Variants in VRK2 observed in about 807,000 individuals in gnomAD.
The protein encoded by VRK2 is VRK serine/threonine kinase 2.
Under a neutral mutation model 57.6 loss-of-function variants are expected in VRK2, and 60 were observed. The ratio of observed to expected loss-of-function variants is 1.04; its 90% CI spans 0.85 to 1.29. The LOEUF is 1.29. Ranked by LOEUF, VRK2 falls within the 50% of genes most tolerant of loss-of-function variation. The pLI, the probability that VRK2 is intolerant of heterozygous loss-of-function variation, is 0.00. For missense variants in VRK2, 705 were observed against 588.1 expected, an observed-to-expected ratio of 1.20 and a Z score of -2.06; for synonymous variants, 231 against 199.2, an observed-to-expected ratio of 1.16 and a Z score of -1.35.
intron 2 of VRK2, among the ~76,000 whole-genome samples, chr2:58,063,170 T>C (rs1016715304): frequency 1.3e-5 from 2 of 151,758 alleles, no homozygotes; most frequent in Non-Finnish European, 2.9e-5. Context: ...CATGGTTTAC[T>C]GATTTTTTTT....
intron 1 of VRK2, among the ~76,000 whole-genome samples, chr2:57,920,094 GA>G (rs1394039295): frequency 2.0e-5 from 3 of 152,002 alleles, no homozygotes; most frequent in Non-Finnish European, 4.4e-5. Context: ...AAAAGCACCT[GA>G]AAAAATATTT....
At chr2:57,976,018 T>C (rs1325097791) in intron 1 of VRK2, among the ~76,000 whole-genome samples, 2 of 152,012 alleles carry the variant, frequency 1.3e-5, no homozygotes, top group Non-Finnish European at 1.5e-5. Context: ...CATGTGGTAT[T>C]TGGTTTTCTG....
At position 57,940,775 on chromosome 2, in the gene VRK2, T is replaced by C. The variant is rs1238194083; in HGVS notation, c.-439+32936T>C. Among the ~76,000 whole-genome samples, 3 of 152,110 alleles carry C rather than the reference T, an allele frequency of 2.0e-5. No homozygotes were observed. The East Asian group carries it at 5.8e-4, about 29-fold the overall frequency. ...CAACTTCTGTTCTCACAGTTTCACA[T>C]GAGGCAATGAAACAAATAATGCTAA... On this transcript the variant is annotated intron_variant, in intron 1 of 15. Coordinates refer to the VRK2 transcript ENST00000417641.
intron 2 of VRK2, among the ~76,000 whole-genome samples, chr2:58,068,829 AC>A (rs1285873521): frequency 2.5e-4 from 37 of 146,290 alleles, no homozygotes; most frequent in Middle Eastern, 3.7e-3. Context: ...AAAAAAAAAA[AC>A]AAAAACTCGG....
At chr2:57,987,767 G>A (rs1572940491) in intron 1 of VRK2, among the ~76,000 whole-genome samples, 1 of 152,116 alleles carries the variant, frequency 6.6e-6, no homozygotes, top group South Asian at 2.1e-4. Flanking sequence ...GCTAGGAAAT[G>A]GGCAAAAAAG....
chr2:57,936,235 T>C (rs757642303), intron 1 of VRK2, among the ~76,000 whole-genome samples: 1 of 152,238 alleles, frequency 6.6e-6, no homozygotes, highest in African/African-American at 2.4e-5. Context: ...TTGCAATTTA[T>C]ATTTATTTCT....
At chr2:58,106,221 A>T (rs1298512040) in intron 7 of VRK2, among the ~76,000 whole-genome samples, 6 of 151,980 alleles carry the variant, frequency 3.9e-5, no homozygotes, top group Non-Finnish European at 5.9e-5. Flanking sequence ...AGTTGGAAAT[A>T]GACTGTAATT....
chr2:58,045,385 C>A (rs967098126), upstream of VRK2, among the ~76,000 whole-genome samples: 2 of 152,082 alleles, frequency 1.3e-5, no homozygotes, highest in African/African-American at 4.8e-5. Context: ...GGAGTTGTTT[C>A]TTCTCAAAAG....
chr2:58,017,181 T>C (rs1238908841), intron 1 of VRK2, among the ~76,000 whole-genome samples: 1 of 152,180 alleles, frequency 6.6e-6, no homozygotes, highest in East Asian at 1.9e-4. Context: ...TAGCCCAAAG[T>C]AAGCTGAGCA....
At chr2:57,982,359 C>A (rs1010423688) in intron 1 of VRK2, among the ~76,000 whole-genome samples, 2 of 152,200 alleles carry the variant, frequency 1.3e-5, no homozygotes, top group Non-Finnish European at 2.9e-5. Flanking sequence ...CATGCACACA[C>A]ATGTGCACCG....
chr2:58,034,704 C>T (rs1406678358), intron 3 of VRK2, among the ~76,000 whole-genome samples: 3 of 151,844 alleles, frequency 2.0e-5, no homozygotes, highest in Non-Finnish European at 4.4e-5. Context: ...ATGAGAGCAT[C>T]TCTCATCTTT....
At chr2:58,095,638 A>G (rs1673029227) in intron 7 of VRK2, among the ~76,000 whole-genome samples, 1 of 152,032 alleles carries the variant, frequency 6.6e-6, no homozygotes, top group Admixed American at 6.5e-5. Flanking sequence ...TTACGGAATT[A>G]TTTGTGGTTC....
intron 1 of VRK2, among the ~76,000 whole-genome samples, chr2:57,927,871 T>G (rs1410354389): frequency 6.6e-6 from 1 of 152,218 alleles, no homozygotes; most frequent in Non-Finnish European, 1.5e-5. Context: ...ATGCCAGTGT[T>G]TCCTGGCCTG....
upstream of VRK2, among the ~76,000 whole-genome samples, chr2:58,043,055 T>C (rs1674525871): frequency 1.3e-5 from 2 of 152,222 alleles, no homozygotes; most frequent in Non-Finnish European, 1.5e-5. Context: ...CCTGCTCCTG[T>C]TGCCATTTTT....
At chr2:58,016,884 T>C (rs967893188) in intron 1 of VRK2, among the ~76,000 whole-genome samples, 1 of 152,198 alleles carries the variant, frequency 6.6e-6, no homozygotes, top group Non-Finnish European at 1.5e-5. Context: ...AACTACCAAA[T>C]ACTTTCATTT....
Position 57,975,662 on chromosome 2 carries a change from G to C in VRK2, c.-438-50003G>C, listed in dbSNP as rs1053263264. Among the ~76,000 whole-genome samples, 19 of 151,844 alleles carry C rather than the reference G, an allele frequency of 1.3e-4. No individual in the cohort carries two copies. In the South Asian group the frequency reaches 3.7e-3, roughly 30 times the overall value. On this transcript the variant is annotated intron_variant, in intron 1 of 15. Transcript: ENST00000417641. ...TTGTACTCCTCCCTCCTTCCTTTCG[G>C]AGTCCCTACCACCTGTCCCCAACCA...
chr2:58,111,941 TTC>T (rs1349311018), intron 7 of VRK2, among the ~76,000 whole-genome samples: 1 of 152,216 alleles, frequency 6.6e-6, no homozygotes, highest in East Asian at 1.9e-4. Context: ...TTACATTTTC[TTC>T]TCTTTTTCTT....
chr2:57,987,037 C>A (rs938786949), intron 1 of VRK2, among the ~76,000 whole-genome samples: 2 of 152,066 alleles, frequency 1.3e-5, no homozygotes, highest in Non-Finnish European at 2.9e-5. Context: ...CTACCTCACA[C>A]CATATACAAA....
chr2:57,990,642 C>A (rs1195129864), intron 1 of VRK2, among the ~76,000 whole-genome samples: 3 of 152,106 alleles, frequency 2.0e-5, no homozygotes, highest in Non-Finnish European at 2.9e-5. Flanking sequence ...CATATGGAAG[C>A]AATCATTCAA....
Sources: allele counts gnomAD v4.1 joint callset (sites outside exome capture counted in the v4.1 genomes callset), GRCh38; gene constraint gnomAD v4.1.1; transcripts MANE v1.5; gene names NCBI Gene and HGNC (gene_info 2026-07-23, HGNC 2026-07-21).